Variants in BMP10 observed in about 807,000 individuals in gnomAD.
BMP10 encodes bone morphogenetic protein 10.
Under a neutral mutation model 29.9 loss-of-function variants are expected in BMP10, and 9 were observed. That is an observed-to-expected ratio of 0.30 (90% confidence interval 0.18 to 0.53). The LOEUF is 0.53. Ranked by LOEUF, BMP10 falls within the 20% of genes least tolerant of loss-of-function variation. The pLI, the probability that BMP10 is intolerant of heterozygous loss-of-function variation, is 0.96. For missense variants in BMP10, 474 were observed against 524.3 expected, an observed-to-expected ratio of 0.90 and a Z score of 0.94; for synonymous variants, 202 against 200.2, an observed-to-expected ratio of 1.01 and a Z score of -0.07.
Position 68,871,035 on chromosome 2 carries a change from G to A in BMP10, c.324C>T (p.Phe108=). 2 of 1,604,426 alleles carry A rather than the reference G, an allele frequency of 1.2e-6. No homozygotes were observed. The highest frequency in any genetic ancestry group is 1.7e-6 in the Non-Finnish European group (2 of 1,172,464). ...SMPSANIIRS[F]KNEDLFSQPV... ...TCAGCAAAAACTTACCTTCATTCTT[G>A]AAACTCCTAATGATGTTGGCAGAGG... Residue 108 remains phenylalanine (F), a synonymous_variant, in exon 1 of 2, where the codon TTC becomes TTT. Transcript: ENST00000295379.
rs1361580722 is a variant in BMP10, at chr2:68,861,812, T to C, written c.*3819A>G. On this transcript the variant is annotated 3_prime_UTR_variant, in exon 2 of 2. Coordinates refer to ENST00000295379, the MANE Select transcript of BMP10 (RefSeq NM_014482.3). ...GTAACAGTTCTTAAAAAAAAAAGGT[T>C]TTTGTCATTAATTCCCCGGACCAAA... Among the ~76,000 whole-genome samples the C allele has an allele frequency of 6.6e-6, 1 of 152,172 alleles. No individual in the cohort carries two copies. Among genetic ancestry groups the C allele is most frequent in the Non-Finnish European group, 1.5e-5 (1 of 68,030 alleles).
At chr2:68,870,857 C>A (rs943187281) in intron 1 of BMP10, among the ~76,000 whole-genome samples, 168 bp downstream of exon 1, 1 of 152,126 alleles carries the variant, frequency 6.6e-6, no homozygotes, top group African/African-American at 2.4e-5. Flanking sequence ...CCTGAAATGA[C>A]TATATAATTG....
At chr2:68,868,388 C>T (rs1683007097) in intron 1 of BMP10, among the ~76,000 whole-genome samples, 1 of 152,164 alleles carries the variant, frequency 6.6e-6, no homozygotes, top group African/African-American at 2.4e-5. Context: ...CATTTGATCA[C>T]TTTATATCTC....
At position 68,861,229 on chromosome 2, in the gene BMP10, G is replaced by C. The variant is rs1682848304; in HGVS notation, c.*4402C>G. On this transcript the variant is annotated 3_prime_UTR_variant, in exon 2 of 2. Coordinates refer to ENST00000295379, the MANE Select transcript of BMP10 (RefSeq NM_014482.3). ...ACATGACCGTGCATCAGCTGATTCG[G>C]TGTGTCTGTGGTGTTCGCTGATTTC... Among the ~76,000 whole-genome samples the C allele has an allele frequency of 6.6e-6, 1 of 152,160 alleles. No homozygotes were observed. The highest frequency in any genetic ancestry group is 6.5e-5 in the Admixed American group (1 of 15,274).
At position 68,866,604 on chromosome 2, in the gene BMP10, C is replaced by T. The variant is rs1397211619; in HGVS notation, c.335-33G>A. 4 of 1,544,356 alleles carry T rather than the reference C, an allele frequency of 2.6e-6. No individual in the cohort carries two copies. The South Asian group carries it at 4.6e-5, about 18-fold the overall frequency. ...AAGAAATTTGCAAAAATCAGGTTTG[C>T]AGTGGGTCTCAGGGAAAAACAGATG... On this transcript the variant is annotated intron_variant, in intron 1 of 1. Coordinates refer to ENST00000295379, the MANE Select transcript of BMP10 (RefSeq NM_014482.3).
At position 68,863,823 on chromosome 2, in the gene BMP10, C is replaced by T. The variant is rs1234887269; in HGVS notation, c.*1808G>A. 6.6e-6 allele frequency among the ~76,000 whole-genome samples: 1 copy of T among 151,860 alleles called. No individual in the cohort carries two copies. The highest frequency in any genetic ancestry group is 2.4e-5 in the African/African-American group (1 of 41,344). ...TTTGTAAAAGGGGACTGATTGTTTT[C>T]CAGGGTAAAAAAAAGAAAAAAGTGT... On this transcript the variant is annotated 3_prime_UTR_variant, in exon 2 of 2. Transcript: ENST00000295379.
At position 68,861,327 on chromosome 2, in the gene BMP10, C is replaced by G. The variant is rs1037900947; in HGVS notation, c.*4304G>C. On this transcript the variant is annotated 3_prime_UTR_variant, in exon 2 of 2. Coordinates refer to ENST00000295379, the MANE Select transcript of BMP10 (RefSeq NM_014482.3). ...CCACCACTATCAAGCCAGGTGCTCA[C>G]AAAACCAGTGCCCATGTGTGATAAA... Among the ~76,000 whole-genome samples the G allele has an allele frequency of 8.5e-5, 13 of 152,214 alleles. No homozygotes were observed. Among genetic ancestry groups the G allele is most frequent in the African/African-American group, 2.9e-4 (12 of 41,446 alleles).
chr2:68,871,077 T>C lies in BMP10; in HGVS notation c.282A>G (p.Thr94=). The C allele has an allele frequency of 1.2e-6, 2 of 1,614,160 alleles. No individual in the cohort carries two copies. Among genetic ancestry groups the C allele is most frequent in the Non-Finnish European group, 8.5e-7 (1 of 1,180,020 alleles). ...YMLELYNKFA[T]DRTSMPSANI... ...TGGCAGAGGGCATGGAGGTCCGATCTGTTGCAAATTTGTTGTAGAGTTCCA... is the reference window on the plus strand; with the variant it reads ...TGGCAGAGGGCATGGAGGTCCGATCCGTTGCAAATTTGTTGTAGAGTTCCA... The change falls in exon 1 of 2, where the codon ACA becomes ACG. Residue 94 remains threonine, a synonymous_variant. Coordinates refer to ENST00000295379, the MANE Select transcript of BMP10 (RefSeq NM_014482.3).
At position 68,866,214 on chromosome 2, in the gene BMP10, G is replaced by A. The variant is rs776105366; in HGVS notation, c.692C>T (p.Ala231Val). The part of the protein sequence containing the change: ...EVHIESKHDE[A>V]EDASSGRLEI... ...TAGCCGTCCACTGCTGGCATCCTCA[G>A]CTTCATCGTGTTTGCTCTCAATGTG... Residue 231 changes from alanine to valine, a missense_variant, in exon 2 of 2, where the codon GCT (alanine) becomes GTT (valine). Ala to Val is a moderately conservative substitution (Grantham distance 64). This residue lies in a region of BMP10 where 408 missense variants were observed against 415.3 expected (regional missense o/e 0.98). Transcript: ENST00000295379. 2 of 1,614,022 alleles carry A rather than the reference G, an allele frequency of 1.2e-6. No homozygotes were observed. The highest frequency in any genetic ancestry group is 2.2e-5 in the South Asian group (2 of 91,076).
rs1483187164 is a variant in BMP10, at chr2:68,861,894, A to G, written c.*3737T>C. Among the ~76,000 whole-genome samples the G allele has an allele frequency of 6.6e-6, 1 of 152,216 alleles. No homozygotes were observed. The highest frequency in any genetic ancestry group is 2.4e-5 in the African/African-American group (1 of 41,464). On this transcript the variant is annotated 3_prime_UTR_variant, in exon 2 of 2. Transcript: ENST00000295379. Reference sequence around the variant, plus strand: ...GGGGCTGACTCTTTTGGAAATCACTAAGCTAACATTTTTGACATTTACAAA... The same window carrying G: ...GGGGCTGACTCTTTTGGAAATCACTGAGCTAACATTTTTGACATTTACAAA...
At position 68,871,284 on chromosome 2, in the gene BMP10, C is replaced by T. The variant is rs1416799662; in HGVS notation, c.75G>A (p.Met25Ile). The T allele has an allele frequency of 6.2e-7, 1 of 1,614,138 alleles. No homozygotes were observed. Among genetic ancestry groups the T allele is most frequent in the South Asian group, 1.1e-5 (1 of 91,074 alleles). The change falls in exon 1 of 2, where the codon ATG becomes ATA. Residue 25 changes from methionine to isoleucine, a missense_variant. Around this residue, in one of 2 missense-constraint regions of BMP10, gnomAD observed 408 missense variants for 415.3 expected, o/e 0.98. Transcript: ENST00000295379. The stretch of plus-strand genomic sequence containing the variant: ...CTTCCAGAGGAGACTGCTCTAGGTT[C>T]ATGATGGGGCTGCCAGAAACCAAGT... ...AAYLVSGSPI[M>I]NLEQSPLEED...
rs1436856220 is a variant in BMP10 at position 68,861,804 on chromosome 2, A to T, written c.*3827T>A. Among the ~76,000 whole-genome samples the T allele has an allele frequency of 6.6e-6, 1 of 152,266 alleles. No homozygotes were observed. The highest frequency in any genetic ancestry group is 1.5e-5 in the Non-Finnish European group (1 of 68,050). The stretch of plus-strand genomic sequence containing the variant: ...AACATTTAGTAACAGTTCTTAAAAA[A>T]AAAAGGTTTTTGTCATTAATTCCCC... On this transcript the variant is annotated 3_prime_UTR_variant, in exon 2 of 2. Transcript: ENST00000295379.
intron 1 of BMP10, among the ~76,000 whole-genome samples, chr2:68,870,227 T>C (rs766235768): frequency 6.6e-6 from 1 of 152,162 alleles, no homozygotes; most frequent in Non-Finnish European, 1.5e-5. Flanking sequence ...GGGTTTTTTT[T>C]CCTACTAGGA....
chr2:68,865,724 T>C lies in BMP10; in HGVS notation c.1182A>G (p.Leu394=). 6.2e-7 allele frequency: 1 copy of C among 1,614,150 alleles called. No individual in the cohort carries two copies. Among genetic ancestry groups the C allele is most frequent in the East Asian group, 2.2e-5 (1 of 44,888 alleles). The change falls in exon 2 of 2, where the codon CTA becomes CTG. Residue 394 remains leucine, a synonymous_variant. Coordinates refer to ENST00000295379, the MANE Select transcript of BMP10 (RefSeq NM_014482.3). The surrounding 1 kb of genome is among the most constrained non-coding windows in gnomAD (Gnocchi z 4.7). ...CTAAATAGAGGATGGAGATGGGCTCTAGCTTTGTGGGCACACAGCAGGCTT... is the reference window on the plus strand; with the variant it reads ...CTAAATAGAGGATGGAGATGGGCTCCAGCTTTGTGGGCACACAGCAGGCTT... ...ASKACCVPTK[L]EPISILYLDK... is the part of the protein sequence containing the mutation.
chr2:68,867,828 T>A (rs893583163), intron 1 of BMP10, among the ~76,000 whole-genome samples: 1 of 152,240 alleles, frequency 6.6e-6, no homozygotes, highest in Non-Finnish European at 1.5e-5. Flanking sequence ...TTTGATCTAA[T>A]TATTTTATAC....
intron 1 of BMP10, among the ~76,000 whole-genome samples, chr2:68,867,600 A>AGGT (rs1232514803): frequency 3.3e-5 from 5 of 152,210 alleles, no homozygotes; most frequent in Admixed American, 2.0e-4. Context: ...CAGTGAGCCC[A>AGGT]AAGCTCCTGC....
At position 68,862,385 on chromosome 2, in the gene BMP10, A is replaced by T. The variant is rs1682874817; in HGVS notation, c.*3246T>A. 6.6e-6 allele frequency among the ~76,000 whole-genome samples: 1 copy of T among 152,104 alleles called. No individual in the cohort carries two copies. The highest frequency in any genetic ancestry group is 1.5e-5 in the Non-Finnish European group (1 of 68,028). ...TGAGCCATACTCTGAAGCCCAGAAG[A>T]CTCTCTATCCAAAAGGGAATCACAG... On this transcript the variant is annotated 3_prime_UTR_variant, in exon 2 of 2. Transcript: ENST00000295379.
chr2:68,871,285 A>G lies in BMP10; in HGVS notation c.74T>C (p.Met25Thr). Reference sequence around the variant, plus strand: ...TTCCAGAGGAGACTGCTCTAGGTTCATGATGGGGCTGCCAGAAACCAAGTA... The same window carrying G: ...TTCCAGAGGAGACTGCTCTAGGTTCGTGATGGGGCTGCCAGAAACCAAGTA... ...AAYLVSGSPI[M>T]NLEQSPLEED... Residue 25 changes from methionine to threonine, a missense_variant, in exon 1 of 2, where the codon ATG (methionine) becomes ACG (threonine). Coordinates refer to ENST00000295379, the MANE Select transcript of BMP10 (RefSeq NM_014482.3). 1.2e-6 allele frequency: 2 copies of G among 1,614,176 alleles called. No individual in the cohort carries two copies. The highest frequency in any genetic ancestry group is 1.7e-6 in the Non-Finnish European group (2 of 1,180,010).
At chr2:68,868,369 C>T (rs1158974637) in intron 1 of BMP10, among the ~76,000 whole-genome samples, 1 of 152,170 alleles carries the variant, frequency 6.6e-6, no homozygotes, top group African/African-American at 2.4e-5. Context: ...CTCCTCTCCC[C>T]TCTGAAATCA....
Sources: allele counts gnomAD v4.1 joint callset (sites outside exome capture counted in the v4.1 genomes callset), GRCh38; gene constraint gnomAD v4.1.1; regional missense constraint gnomAD v4.1.1; non-coding constraint Gnocchi (gnomAD v3.1); transcripts MANE v1.5; gene names NCBI Gene and HGNC (gene_info 2026-07-23, HGNC 2026-07-21).